SEMA4D: variants seen among roughly 807,000 people sequenced by gnomAD.
The protein encoded by SEMA4D is semaphorin 4D.
Under a neutral mutation model 74.8 loss-of-function variants are expected in SEMA4D, and 22 were observed. That is an observed-to-expected ratio of 0.29 (90% confidence interval 0.21 to 0.42). The LOEUF (loss-of-function observed/expected upper bound fraction) is 0.42. SEMA4D is among the 10% of genes least tolerant of loss of function. SEMA4D has a pLI of 1.00. For synonymous variants in SEMA4D, 445 were observed against 463.7 expected (o/e 0.96, Z 0.52); for missense variants, 937 against 1,118.4 (o/e 0.84, Z 2.31).
chr9:89,428,555 G>T (rs954077703), intron 2 of SEMA4D, among the ~76,000 whole-genome samples: 5 of 152,342 alleles, frequency 3.3e-5, no homozygotes, highest in South Asian at 2.1e-4. Flanking sequence ...TCACAGGCAG[G>T]AGGAGAATGA....
Position 89,405,515 on chromosome 9 carries a change from G to A in SEMA4D, c.-59C>T. On this transcript the variant is annotated 5_prime_UTR_variant, in exon 3 of 16. Coordinates refer to ENST00000422704, the MANE Select transcript of SEMA4D (RefSeq NM_001371194.2). Reference sequence around the variant, plus strand: ...AAGGCTCACGGCAGCAGGTGGCCGGGCAGGTGTGCTATTGCAGATGCGGCT... The same window carrying A: ...AAGGCTCACGGCAGCAGGTGGCCGGACAGGTGTGCTATTGCAGATGCGGCT... 6.2e-7 allele frequency: 1 copy of A among 1,601,884 alleles called. No homozygotes were observed. The highest frequency in any genetic ancestry group is 1.1e-5 in the South Asian group (1 of 90,532).
At chr9:89,392,598 C>G in intron 7 of SEMA4D, 62 bp from the exon 8 acceptor site, 2 of 991,580 alleles carry the variant, frequency 2.0e-6, no homozygotes, top group South Asian at 2.6e-5. Context: ...GGCACCAACA[C>G]TGGGACAAAC....
intron 1 of SEMA4D, among the ~76,000 whole-genome samples, chr9:89,483,684 G>A (rs908845127): frequency 1.4e-4 from 14 of 101,948 alleles, no homozygotes; most frequent in African/African-American, 4.6e-4. Context: ...GTCACAGATA[G>A]TTAAGGGCGG....
At chr9:89,497,678 G>A (rs1826141024) in intron 1 of SEMA4D, among the ~76,000 whole-genome samples, 1 of 151,338 alleles carries the variant, frequency 6.6e-6, no homozygotes, top group South Asian at 2.1e-4. Flanking sequence ...CAGGGGGTCG[G>A]AGGGGTCCGG....
In SEMA4D at chr9:89,492,134, T is replaced by C. The variant is rs189611140; in HGVS notation, c.-310+5785A>G. On this transcript the variant is annotated intron_variant, in intron 1 of 15. Coordinates refer to ENST00000422704, the MANE Select transcript of SEMA4D (RefSeq NM_001371194.2). This position sits in a 1 kb window ranked among gnomAD's most constrained non-coding sequence, Gnocchi z 4.3. ...AGCAATAGGGTCCTGCTGTCCCAAA[T>C]TCCCCTCCTTCCTTCTCTCAAGAAA... Among the ~76,000 whole-genome samples, 313 of 152,232 alleles carry C rather than the reference T, an allele frequency of 2.1e-3. No homozygotes were observed. The highest frequency in any genetic ancestry group is 7.3e-3 in the African/African-American group (303 of 41,522).
At chr9:89,363,393 C>T in intron 18 of SEMA4D, 3 of 1,604,326 alleles carry the variant, frequency 1.9e-6, no homozygotes, top group Non-Finnish European at 2.5e-6. Context: ...GCCCCTGGCT[C>T]CAGCCCTCCT....
At chr9:89,399,974 G>A (rs886819703) in intron 4 of SEMA4D, among the ~76,000 whole-genome samples, 1 of 125,936 alleles carries the variant, frequency 7.9e-6, no homozygotes, top group Admixed American at 9.8e-5. Flanking sequence ...CTCCAGCCTC[G>A]TGTGCCTGGG....
intron 1 of SEMA4D, among the ~76,000 whole-genome samples, chr9:89,456,928 T>C (rs1293599239): frequency 6.6e-6 from 1 of 152,118 alleles, no homozygotes; most frequent in Non-Finnish European, 1.5e-5. Flanking sequence ...AGCGGAAGGC[T>C]TACTAATGCC....
chr9:89,408,322 G>C (rs1416196825), intron 2 of SEMA4D, among the ~76,000 whole-genome samples: 3 of 152,202 alleles, frequency 2.0e-5, no homozygotes, highest in Non-Finnish European at 4.4e-5. Context: ...CCAGGGCCTG[G>C]CACCCACAAA....
intron 1 of SEMA4D, among the ~76,000 whole-genome samples, chr9:89,473,232 T>A (rs1426704661): frequency 1.3e-5 from 2 of 152,140 alleles, no homozygotes; most frequent in African/African-American, 4.8e-5. Flanking sequence ...CAACAAAACA[T>A]CCTAGGCCTG....
chr9:89,463,255 T>C (rs1857791115), intron 1 of SEMA4D, among the ~76,000 whole-genome samples: 1 of 152,180 alleles, frequency 6.6e-6, no homozygotes, highest in African/African-American at 2.4e-5. Context: ...TACTATATTC[T>C]TTTCAGAATC....
At chr9:89,423,840 C>T (rs1847529562) in intron 2 of SEMA4D, among the ~76,000 whole-genome samples, 1 of 148,330 alleles carries the variant, frequency 6.7e-6, no homozygotes, top group African/African-American at 2.5e-5. Flanking sequence ...TCAGCTACTC[C>T]CTCAGCACCT....
chr9:89,426,614 C>T (rs1230745909), intron 2 of SEMA4D, among the ~76,000 whole-genome samples: 2 of 152,162 alleles, frequency 1.3e-5, no homozygotes, highest in East Asian at 3.9e-4. Flanking sequence ...TGTCAGTTCC[C>T]GTCTCAGTAC....
intron 2 of SEMA4D, among the ~76,000 whole-genome samples, chr9:89,455,400 G>A (rs1855695556): frequency 1.3e-5 from 2 of 152,234 alleles, no homozygotes; most frequent in Non-Finnish European, 2.9e-5. Context: ...GTGAGTTAGT[G>A]GACAGAAGAG....
chr9:89,416,363 A>T (rs1017186587), intron 2 of SEMA4D, among the ~76,000 whole-genome samples: 1 of 152,244 alleles, frequency 6.6e-6, no homozygotes. Context: ...GGGCTGGTTA[A>T]CAGTCAGGCA....
intron 1 of SEMA4D, among the ~76,000 whole-genome samples, chr9:89,462,900 T>C (rs1472484685): frequency 1.2e-4 from 1 of 8,408 alleles, no homozygotes; most frequent in Non-Finnish European, 2.1e-4. Flanking sequence ...GCTGTGATCA[T>C]GTCACTGCAC....
chr9:89,419,520 C>T (rs1846456624), intron 2 of SEMA4D, among the ~76,000 whole-genome samples: 1 of 152,128 alleles, frequency 6.6e-6, no homozygotes, highest in South Asian at 2.1e-4. Flanking sequence ...ACAGTGGCCG[C>T]CCAGAGACTG....
chr9:89,464,097 T>G (rs7872751), intron 1 of SEMA4D, among the ~76,000 whole-genome samples: 38,529 of 151,814 alleles, frequency 0.25, 5,051 homozygotes, highest in Middle Eastern at 0.34. Flanking sequence ...CAGTCAAAAA[T>G]GGAGAGTGTG....
intron 1 of SEMA4D, among the ~76,000 whole-genome samples, chr9:89,478,593 C>T (rs1048297201): frequency 4.6e-5 from 7 of 152,156 alleles, no homozygotes; most frequent in Admixed American, 1.3e-4. Flanking sequence ...GGGATTGTTT[C>T]CTTCATGGTT....
Sources: gnomAD v4.1 joint callset for allele counts (sites outside exome capture counted in the v4.1 genomes callset) on GRCh38, gnomAD v4.1.1 for gene constraint, Gnocchi (gnomAD v3.1) non-coding constraint, MANE v1.5 for transcripts, NCBI Gene and HGNC (gene_info 2026-07-23, HGNC 2026-07-21) for gene names.